PGCKA1: variants seen among roughly 807,000 people sequenced by gnomAD.
PGCKA1 encodes PDCD10 and GCKIII kinases-associated protein 1.
the PGCKA1 span, among the ~76,000 whole-genome samples, chr4:37,515,605 G>T: frequency 1.4e-4 from 22 of 152,194 alleles, no homozygotes; most frequent in Non-Finnish European, 2.4e-4. Flanking sequence ...CTGATATATT[G>T]TAGTCTACTG....
the PGCKA1 span, among the ~76,000 whole-genome samples, chr4:37,572,163 C>A: frequency 8.8e-5 from 13 of 147,202 alleles, no homozygotes; most frequent in Middle Eastern, 7.5e-3. Context: ...CCCGGGTTCA[C>A]GCCATTCTCC....
At chr4:37,514,391 C>G in the PGCKA1 span, among the ~76,000 whole-genome samples, 1 of 152,038 alleles carries the variant, frequency 6.6e-6, no homozygotes, top group Non-Finnish European at 1.5e-5. Context: ...AAGATATCTA[C>G]TTTAACTCAA....
the PGCKA1 span, among the ~76,000 whole-genome samples, chr4:37,476,871 T>C: frequency 6.6e-6 from 1 of 152,188 alleles, no homozygotes; most frequent in African/African-American, 2.4e-5. Context: ...CCCACTGGGA[T>C]AGCTGTAATC....
chr4:37,579,205 A>G, the PGCKA1 span, among the ~76,000 whole-genome samples: 2 of 152,104 alleles, frequency 1.3e-5, no homozygotes, highest in Non-Finnish European at 2.9e-5. Context: ...TGTTGTATCT[A>G]TTTACATATT....
chr4:37,568,592 C>G, the PGCKA1 span, among the ~76,000 whole-genome samples: 42 of 152,300 alleles, frequency 2.8e-4, 1 homozygote, highest in South Asian at 8.7e-3. Flanking sequence ...AGAACTTGGC[C>G]TTTTATCATT....
chr4:37,534,491 G>C, the PGCKA1 span, among the ~76,000 whole-genome samples: 1 of 152,152 alleles, frequency 6.6e-6, no homozygotes, highest in African/African-American at 2.4e-5. Flanking sequence ...CTTGCTACTG[G>C]GTTAAACATG....
the PGCKA1 span, among the ~76,000 whole-genome samples, chr4:37,563,322 G>A: frequency 1.3e-5 from 2 of 152,118 alleles, no homozygotes; most frequent in South Asian, 2.1e-4. Flanking sequence ...CGATTCCCGG[G>A]AGAGCTCTTT....
the PGCKA1 span, among the ~76,000 whole-genome samples, chr4:37,488,785 A>G: frequency 6.6e-6 from 1 of 151,994 alleles, no homozygotes; most frequent in African/African-American, 2.4e-5. Context: ...TCCGTCTTTA[A>G]CCTCTACCTT....
At chr4:37,572,048 C>CTTTTTTTTCTTTTTCTTTTTTTTTTT in the PGCKA1 span, among the ~76,000 whole-genome samples, 1 of 111,630 alleles carries the variant, frequency 9.0e-6, no homozygotes, top group Non-Finnish European at 1.8e-5. Context: ...AACTTCACAC[C>CTTTTTTTTCTTTTTCTTTTTTTTTTT]TTTTTTTTTT....
the PGCKA1 span, among the ~76,000 whole-genome samples, chr4:37,503,590 G>A: frequency 3.9e-5 from 6 of 152,138 alleles, no homozygotes; most frequent in African/African-American, 1.4e-4. Flanking sequence ...ACAGCATACT[G>A]ATCTCCACAT....
the PGCKA1 span, among the ~76,000 whole-genome samples, chr4:37,529,697 C>T: frequency 5.9e-5 from 9 of 152,312 alleles, no homozygotes; most frequent in African/African-American, 2.2e-4. Flanking sequence ...CTGCTACCTG[C>T]TCCCATAGAA....
chr4:37,494,129 TA>T, the PGCKA1 span, among the ~76,000 whole-genome samples: 2 of 152,190 alleles, frequency 1.3e-5, no homozygotes. Flanking sequence ...GCTCTATTTT[TA>T]GGTTTGTTTG....
chr4:37,499,173 C>A, the PGCKA1 span, among the ~76,000 whole-genome samples: 1 of 152,184 alleles, frequency 6.6e-6, no homozygotes, highest in East Asian at 1.9e-4. Flanking sequence ...AGGGATAAAG[C>A]CTACTTGGTC....
the PGCKA1 span, among the ~76,000 whole-genome samples, chr4:37,509,485 A>G: frequency 0.46 from 65,558 of 141,566 alleles, 15,815 homozygotes; most frequent in South Asian, 0.57. Flanking sequence ...ACGGGATGGC[A>G]GCCGGGAAGA....
chr4:37,462,705 AT>A, the PGCKA1 span, among the ~76,000 whole-genome samples: 1 of 151,814 alleles, frequency 6.6e-6, no homozygotes, highest in African/African-American at 2.4e-5. Context: ...AAAGATTTTT[AT>A]TTTTTTTCAA....
At chr4:37,565,870 G>A in the PGCKA1 span, among the ~76,000 whole-genome samples, 1 of 152,114 alleles carries the variant, frequency 6.6e-6, no homozygotes, top group African/African-American at 2.4e-5. Flanking sequence ...CCTTAATCTG[G>A]GTAGGCACCA....
the PGCKA1 span, among the ~76,000 whole-genome samples, chr4:37,551,215 C>T: frequency 2.0e-5 from 3 of 152,128 alleles, no homozygotes; most frequent in African/African-American, 7.2e-5. Flanking sequence ...TAATTGACAC[C>T]ATTAAACCAT....
the PGCKA1 span, among the ~76,000 whole-genome samples, chr4:37,583,689 G>A: frequency 6.6e-6 from 1 of 152,104 alleles, no homozygotes; most frequent in Non-Finnish European, 1.5e-5. Context: ...GCCTGGCCTT[G>A]TTTAAACACA....
the PGCKA1 span, among the ~76,000 whole-genome samples, chr4:37,547,063 C>T: frequency 5.9e-4 from 89 of 152,108 alleles, no homozygotes; most frequent in African/African-American, 1.9e-3. Context: ...GTCTTGGGAA[C>T]TTGCCCACTC....
Sources: gnomAD v4.1 joint callset for allele counts (sites outside exome capture counted in the v4.1 genomes callset) on GRCh38, gnomAD v4.1.1 for gene constraint, MANE v1.5 for transcripts, NCBI Gene and HGNC (gene_info 2026-07-23, HGNC 2026-07-21) for gene names.